The following NSG1 variants were observed in gnomAD, a reference collection of about 807,000 sequenced individuals.
NSG1 encodes neuronal vesicle trafficking-associated protein 1.
NSG1 carries 9 observed loss-of-function variants against 19.3 expected under a neutral mutation model. The ratio of observed to expected loss-of-function variants is 0.47; its 90% confidence interval spans 0.28 to 0.81. The LOEUF (loss-of-function observed/expected upper bound fraction) is 0.81, where lower values mean the gene tolerates loss of function less well. Ranked by LOEUF, NSG1 falls within the 40% of genes least tolerant of loss-of-function variation. NSG1 has a pLI of 0.11. For synonymous variants in NSG1, 104 were observed against 107.0 expected (o/e 0.97, Z 0.17); for missense variants, 236 against 242.4 (o/e 0.97, Z 0.18).
intron 4 of NSG1, among the ~76,000 whole-genome samples, chr4:4,413,840 C>T (rs144947783): frequency 1.8e-4 from 28 of 151,642 alleles, no homozygotes; most frequent in African/African-American, 5.6e-4. Flanking sequence ...AAGACTGGGG[C>T]GCTGGGGATG....
intron 2 of NSG1, among the ~76,000 whole-genome samples, chr4:4,390,175 G>T (rs1722922627): frequency 6.6e-6 from 1 of 152,196 alleles, no homozygotes; most frequent in Admixed American, 6.5e-5. Context: ...TCCAGTCGGG[G>T]TTTGAGGATG....
chr4:4,395,998 G>C (rs1011235274), intron 3 of NSG1, among the ~76,000 whole-genome samples: 1 of 152,182 alleles, frequency 6.6e-6, no homozygotes, highest in Non-Finnish European at 1.5e-5. Flanking sequence ...TGCTGACTGG[G>C]AGAAGGTTCT....
chr4:4,409,246 G>T (rs1577292824), intron 3 of NSG1, among the ~76,000 whole-genome samples: 1 of 152,202 alleles, frequency 6.6e-6, no homozygotes, highest in Non-Finnish European at 1.5e-5. Flanking sequence ...TCTCACACAT[G>T]TGTCTTAGTG....
chr4:4,402,371 ATTTTTTTTTTTTTTTTTTTT>A lies in NSG1; in HGVS notation c.247-7187_247-7168del, dbSNP rs1161754574. On this transcript the variant is annotated intron_variant, in intron 3 of 4. Coordinates refer to ENST00000621129, the MANE Select transcript of NSG1 (RefSeq NM_014392.5). ...TAGACACGCAGCACCACGCCTGGTT[ATTTTTTTTTTTTTTTTTTTT>A]TTTTTTTTTTTTTTGAGACGGAGTC... 4.3e-4 allele frequency among the ~76,000 whole-genome samples: 23 copies of A among 53,954 alleles called. 1 individual carries two copies. The highest frequency in any genetic ancestry group is 3.5e-3 in the Admixed American group (10 of 2,896). 35.4% of individuals were successfully genotyped at this position (53,954 alleles called of 152,430 possible). A position where few individuals can be genotyped will look rare whatever the true frequency, so the allele number is the denominator to read the frequency against.
chr4:4,403,380 G>A (rs190936724), intron 3 of NSG1, among the ~76,000 whole-genome samples: 10 of 152,258 alleles, frequency 6.6e-5, no homozygotes, highest in African/African-American at 2.2e-4. Context: ...TTTCCCTGCC[G>A]CTTCTGTCTT....
rs535304375 is a variant in NSG1, at chr4:4,390,991, C to T, written c.130-484C>T. Among the ~76,000 whole-genome samples the T allele has an allele frequency of 8.5e-5, 13 of 152,278 alleles. 1 individual carries two copies. The South Asian group carries it at 2.7e-3, about 32-fold the overall frequency. On this transcript the variant is annotated intron_variant, in intron 2 of 4. Coordinates refer to ENST00000621129, the MANE Select transcript of NSG1 (RefSeq NM_014392.5). ...GGTTGATCCTGGATCTGTTTCCAGA[C>T]AAGCTGGTGGCCAGCTTCTCCAGCC...
At position 4,417,889 on chromosome 4, in the gene NSG1, G is replaced by T. The variant is rs181462489; in HGVS notation, c.*454G>T. The T allele has an allele frequency of 3.2e-5, 8 of 247,454 alleles. No homozygotes were observed. In the East Asian group the frequency reaches 9.9e-4, roughly 30 times the overall value. 15.3% of individuals were successfully genotyped at this position (247,454 alleles called of 1,614,324 possible). On this transcript the variant is annotated 3_prime_UTR_variant, in exon 5 of 5. Transcript: ENST00000621129. The stretch of plus-strand genomic sequence containing the variant: ...CGCATTTCTTCCTCGGCCATCAGCG[G>T]GTAACAGTGCTGACTGCTGCCAAGG...
intron 2 of NSG1, among the ~76,000 whole-genome samples, 192 bp from the exon 3 acceptor site, chr4:4,391,283 A>G (rs1222598854): frequency 1.3e-5 from 2 of 152,220 alleles, no homozygotes; most frequent in Admixed American, 6.5e-5. Flanking sequence ...GACTGCTATC[A>G]GGATTATGAA....
At chr4:4,389,627 C>T (rs1331408200) in intron 2 of NSG1, among the ~76,000 whole-genome samples, 7 of 152,166 alleles carry the variant, frequency 4.6e-5, no homozygotes, top group Non-Finnish European at 1.0e-4. Context: ...CTCTCTTAAC[C>T]TGAACAACAG....
chr4:4,388,210 G>A (rs1233780819), intron 2 of NSG1, among the ~76,000 whole-genome samples: 1 of 152,192 alleles, frequency 6.6e-6, no homozygotes, highest in Non-Finnish European at 1.5e-5. Context: ...TGGTCAGATG[G>A]CCCCTCCCCA....
chr4:4,406,033 C>G (rs7666001), intron 3 of NSG1, among the ~76,000 whole-genome samples: 6,367 of 152,176 alleles, frequency 0.042, 441 homozygotes, highest in African/African-American at 0.14. Flanking sequence ...ACTTGAAACC[C>G]TCTTCTTTTT....
At chr4:4,416,332 T>C (rs2108758290) in intron 4 of NSG1, among the ~76,000 whole-genome samples, 1 of 152,342 alleles carries the variant, frequency 6.6e-6, no homozygotes, top group Non-Finnish European at 1.5e-5. Flanking sequence ...ATTTCTCTTT[T>C]GAAAATAGCT....
At chr4:4,416,908 A>G (rs146799372) in intron 4 of NSG1, among the ~76,000 whole-genome samples, 102 of 152,302 alleles carry the variant, frequency 6.7e-4, no homozygotes, top group African/African-American at 2.4e-3. Context: ...ATATTTCATA[A>G]GTTGTTGTTT....
chr4:4,392,532 A>T (rs1369760728), intron 3 of NSG1, among the ~76,000 whole-genome samples: 2 of 152,060 alleles, frequency 1.3e-5, no homozygotes, highest in South Asian at 4.1e-4. Context: ...ATGGCATCAT[A>T]TTGGATCTCT....
rs1003833007 is a variant in NSG1 at position 4,417,991 on chromosome 4, G to C, written c.*556G>C. On this transcript the variant is annotated 3_prime_UTR_variant, in exon 5 of 5. Transcript: ENST00000621129. ...CCCTCCCTGTGCTGACTCCTGAGTC[G>C]GGGTGGGACGGCCCTGCAATGTGGC... The C allele has an allele frequency of 1.2e-5, 2 of 163,792 alleles. No individual in the cohort carries two copies. The highest frequency in any genetic ancestry group is 2.6e-5 in the Non-Finnish European group (2 of 75,646). The allele number at this position is 163,792 out of a possible 1,614,324, so 10.1% of individuals were successfully genotyped here.
Position 4,418,269 on chromosome 4 carries a change from T to TATTA in NSG1, c.*835_*838dup, listed in dbSNP as rs888806037. ...CCCCACTGGCCCTCTGGTTCACTTCTATTATGAATAAATTTGCACCAATAG... is the reference window on the plus strand; with the variant it reads ...CCCCACTGGCCCTCTGGTTCACTTCTATTAATTATGAATAAATTTGCACCAATAG... On this transcript the variant is annotated 3_prime_UTR_variant, in exon 5 of 5. Coordinates refer to ENST00000621129, the MANE Select transcript of NSG1 (RefSeq NM_014392.5). 6.6e-6 allele frequency: 1 copy of TATTA among 152,380 alleles called. No individual in the cohort carries two copies. Among genetic ancestry groups the TATTA allele is most frequent in the South Asian group, 2.1e-4 (1 of 4,834 alleles). The allele number at this position is 152,380 out of a possible 1,614,324, so 9.4% of individuals were successfully genotyped here. A position where few individuals can be genotyped will look rare whatever the true frequency, so the allele number is the denominator to read the frequency against.
chr4:4,394,120 G>C (rs183846777), intron 3 of NSG1, among the ~76,000 whole-genome samples: 4 of 152,228 alleles, frequency 2.6e-5, no homozygotes, highest in Admixed American at 1.3e-4. Flanking sequence ...CTGAGGCAGA[G>C]AGCCTTGGCA....
chr4:4,396,976 T>C (rs1723286298), intron 3 of NSG1, among the ~76,000 whole-genome samples: 1 of 151,964 alleles, frequency 6.6e-6, no homozygotes, highest in Non-Finnish European at 1.5e-5. Flanking sequence ...AGAGCCCACC[T>C]TCCCCAGGCT....
At chr4:4,397,021 C>T (rs1163931042) in intron 3 of NSG1, among the ~76,000 whole-genome samples, 1 of 136,448 alleles carries the variant, frequency 7.3e-6, no homozygotes, top group Admixed American at 7.7e-5. Flanking sequence ...GAATCAGATA[C>T]CACGTGGGTT....
Sources: allele counts gnomAD v4.1 joint callset (sites outside exome capture counted in the v4.1 genomes callset), GRCh38; gene constraint gnomAD v4.1.1; transcripts MANE v1.5; gene names NCBI Gene and HGNC (gene_info 2026-07-23, HGNC 2026-07-21).